The following GUCY2F variants were observed in gnomAD, a reference collection of about 807,000 sequenced individuals.
The protein encoded by GUCY2F is retinal guanylyl cyclase 2.
A neutral mutation model predicts 73.1 loss-of-function variants in GUCY2F; 61 were observed. The ratio of observed to expected loss-of-function variants is 0.83; its 90% confidence interval spans 0.68 to 1.03. The LOEUF (loss-of-function observed/expected upper bound fraction) is 1.03, where lower values mean the gene tolerates loss of function less well. Ranked by LOEUF, GUCY2F falls within the 50% of genes least tolerant of loss-of-function variation. The pLI is 0.00. For missense variants in GUCY2F, 912 were observed against 854.3 expected, an observed-to-expected ratio of 1.07 and a Z score of -0.84; for synonymous variants, 331 against 307.8, an observed-to-expected ratio of 1.08 and a Z score of -0.79.
At chrX:109,471,411 C>T (rs975186040) in intron 2 of GUCY2F, among the ~76,000 whole-genome samples, 5 of 112,440 alleles carry the variant, frequency 4.4e-5, no homozygotes, top group African/African-American at 1.6e-4. Context: ...AGAAGAGGAA[C>T]CCCTCCTGAA....
At chrX:109,427,354 GC>G (rs780785389) in intron 8 of GUCY2F, among the ~76,000 whole-genome samples, 9 of 112,317 alleles carry the variant, frequency 8.0e-5, no homozygotes, top group Non-Finnish European at 1.5e-4. Flanking sequence ...CAGGGAATAT[GC>G]CAATCAGTTC....
At chrX:109,468,966 A>G (rs1481606596) in intron 2 of GUCY2F, among the ~76,000 whole-genome samples, 1 of 112,239 alleles carries the variant, frequency 8.9e-6, no homozygotes, top group Non-Finnish European at 1.9e-5. Flanking sequence ...TTGACCTGTA[A>G]GTTGTTGTCA....
chrX:109,373,429 G>A (rs1304977686), intron 19 of GUCY2F, among the ~76,000 whole-genome samples: 1 of 111,394 alleles, frequency 9.0e-6, no homozygotes, highest in Non-Finnish European at 1.9e-5. Context: ...GGGAGTCCTG[G>A]GTCCTGATAG....
At chrX:109,389,670 ATAAT>A (rs1302840397) in intron 14 of GUCY2F, among the ~76,000 whole-genome samples, 1 of 111,977 alleles carries the variant, frequency 8.9e-6, no homozygotes, top group African/African-American at 3.2e-5. Flanking sequence ...TAAGGAATAA[ATAAT>A]TTAATATATG....
intron 8 of GUCY2F, among the ~76,000 whole-genome samples, chrX:109,425,396 ATAT>A (rs1215405928): frequency 9.3e-6 from 1 of 107,713 alleles, no homozygotes; most frequent in Non-Finnish European, 1.9e-5. Flanking sequence ...GTATATATAT[ATAT>A]TATATGTGTG....
chrX:109,475,858 G>A lies in GUCY2F; in HGVS notation c.79C>T (p.Leu27Phe). ...CACCACAGGAACTTGGCAGATGCAA[G>A]GCCATGGTGTCCCAGCAGTTTCCTG... Reference protein sequence around the residue: ...AFRKLLGHHGLASAKFLWCLC... With the variant: ...AFRKLLGHHGFASAKFLWCLC... The change falls in exon 2 of 20, where the codon CTT becomes TTT. Residue 27 changes from leucine to phenylalanine, a missense_variant. Coordinates refer to ENST00000218006, the MANE Select transcript of GUCY2F (RefSeq NM_001522.3). The A allele has an allele frequency of 8.3e-7, 1 of 1,210,683 alleles. No individual in the cohort carries two copies. The highest frequency in any genetic ancestry group is 1.8e-5 in the South Asian group (1 of 56,857).
intron 2 of GUCY2F, among the ~76,000 whole-genome samples, chrX:109,474,336 G>A (rs1002053676): frequency 6.3e-5 from 7 of 111,458 alleles, no homozygotes; most frequent in African/African-American, 2.3e-4. Flanking sequence ...CATCTCCAGA[G>A]GAAGGTAAAA....
intron 2 of GUCY2F, among the ~76,000 whole-genome samples, chrX:109,471,740 C>T (rs905296773): frequency 2.7e-5 from 3 of 112,397 alleles, no homozygotes; most frequent in Non-Finnish European, 5.6e-5. Context: ...TACTCTGAGA[C>T]TTTATTTATT....
intron 11 of GUCY2F, 60 bp downstream of exon 11, chrX:109,398,489 T>C (rs1930761110): frequency 1.9e-6 from 2 of 1,041,585 alleles, no homozygotes; most frequent in Admixed American, 4.8e-5. Context: ...ACAGCCTGAG[T>C]TGGTCTGATG....
chrX:109,465,803 G>A (rs1054984437), intron 2 of GUCY2F, among the ~76,000 whole-genome samples: 1 of 112,115 alleles, frequency 8.9e-6, no homozygotes, highest in East Asian at 2.8e-4. Context: ...TTACTTAACC[G>A]CTCTCTGTCT....
intron 7 of GUCY2F, 112 bp from the exon 8 acceptor site, chrX:109,430,508 C>T (rs894601217): frequency 1.4e-5 from 7 of 494,242 alleles, no homozygotes; most frequent in Non-Finnish European, 2.1e-5. Context: ...TCCAAATAGA[C>T]ATTTTCCTTC....
intron 8 of GUCY2F, among the ~76,000 whole-genome samples, chrX:109,426,686 G>T (rs2147267327): frequency 8.9e-6 from 1 of 112,721 alleles, no homozygotes; most frequent in South Asian, 3.6e-4. Flanking sequence ...ACCACACCCG[G>T]CCAGGTGAAG....
At chrX:109,425,567 G>T (rs914550430) in intron 8 of GUCY2F, among the ~76,000 whole-genome samples, 2 of 107,978 alleles carry the variant, frequency 1.9e-5, no homozygotes, top group African/African-American at 6.7e-5. Flanking sequence ...ACTCAACATC[G>T]TATGTTCTCA....
chrX:109,440,406 A>G (rs1439013593), intron 7 of GUCY2F, among the ~76,000 whole-genome samples: 1 of 112,237 alleles, frequency 8.9e-6, no homozygotes, highest in Non-Finnish European at 1.9e-5. Context: ...ATTAAGTTTC[A>G]ACACCTGAAT....
chrX:109,413,019 A>T (rs2147262435), intron 8 of GUCY2F, among the ~76,000 whole-genome samples: 1 of 112,365 alleles, frequency 8.9e-6, no homozygotes, highest in Non-Finnish European at 1.9e-5. Context: ...GGTGAAAATT[A>T]AACTTCTGCT....
chrX:109,477,824 T>C (rs147429818), intron 1 of GUCY2F, among the ~76,000 whole-genome samples: 1 of 112,067 alleles, frequency 8.9e-6, no homozygotes, highest in African/African-American at 3.3e-5. Flanking sequence ...CCTAATTTTA[T>C]GAGAAACCTT....
Position 109,398,829 on chromosome X carries a change from GC to G in GUCY2F, c.2126-132del, listed in dbSNP as rs902387074. The G allele has an allele frequency of 2.9e-4, 154 of 532,104 alleles. No individual in the cohort carries two copies. In the African/African-American group the frequency reaches 3.3e-3, roughly 11 times the overall value. The allele number at this position is 532,104 out of a possible 1,213,427, so 43.9% of individuals were successfully genotyped here. On this transcript the variant is annotated intron_variant, in intron 10 of 19. Transcript: ENST00000218006. ...TTATTAGACAGACTGCCATGCTAGT[GC>G]CCCCCATCCCCCAGGGTCTGAATCT... is the stretch of plus-strand genomic sequence containing the variant.
chrX:109,471,485 A>T lies in GUCY2F; in HGVS notation c.730+3722T>A, dbSNP rs779084743. ...TGACCTTTTGTGCCATTGGACAAAA[A>T]CTTCCAACAGGGTTCATGGTTTGAG... On this transcript the variant is annotated intron_variant, in intron 2 of 19. Coordinates refer to ENST00000218006, the MANE Select transcript of GUCY2F (RefSeq NM_001522.3). 2.6e-4 allele frequency among the ~76,000 whole-genome samples: 29 copies of T among 112,435 alleles called. 1 individual carries two copies. The highest frequency in any genetic ancestry group is 9.4e-4 in the African/African-American group (29 of 30,951).
chrX:109,384,951 CTTCAT>C (rs1930400585), intron 16 of GUCY2F, among the ~76,000 whole-genome samples: 1 of 111,950 alleles, frequency 8.9e-6, no homozygotes, highest in Non-Finnish European at 1.9e-5. Context: ...TTAGCTACAG[CTTCAT>C]TTCTAGAGAA....
Sources: gnomAD v4.1 joint callset for allele counts (sites outside exome capture counted in the v4.1 genomes callset) on GRCh38, gnomAD v4.1.1 for gene constraint, MANE v1.5 for transcripts, NCBI Gene and HGNC (gene_info 2026-07-23, HGNC 2026-07-21) for gene names.